The following VPS13B variants were observed in gnomAD, a reference collection of about 807,000 sequenced individuals.
VPS13B encodes the protein vacuolar protein sorting 13 homolog B, also known as intermembrane lipid transfer protein VPS13B.
In VPS13B, 285 loss-of-function variants were observed where a neutral mutation model predicts 426.4. The ratio of observed to expected loss-of-function variants is 0.67; its 90% CI spans 0.61 to 0.74. The LOEUF (loss-of-function observed/expected upper bound fraction) is 0.74. Among genes scored for constraint, VPS13B ranks in the 30% least tolerant of loss-of-function variants. The pLI is 0.00. For synonymous variants in VPS13B, 1,676 were observed against 1,676.4 expected (o/e 1.00, Z 0.01); for missense variants, 4,537 against 4,782.6 (o/e 0.95, Z 1.51).
intron 43 of VPS13B, among the ~76,000 whole-genome samples, chr8:99,794,704 T>A (rs985800950): frequency 4.6e-5 from 7 of 152,200 alleles, no homozygotes; most frequent in African/African-American, 1.7e-4. Context: ...TCAGTCTAAG[T>A]TGGCAGTGTT....
At chr8:99,420,010 T>C (rs1816283314) in intron 21 of VPS13B, among the ~76,000 whole-genome samples, 2 of 152,216 alleles carry the variant, frequency 1.3e-5, no homozygotes. Context: ...GGGAAAATTT[T>C]AAAGTAAGTA....
At position 99,642,138 on chromosome 8, in the gene VPS13B, T is replaced by TCG; in HGVS notation, c.5548_5549insCG (p.Leu1850SerfsTer2). The stretch of plus-strand genomic sequence containing the variant: ...TAATGAAAAAACAGACAAGAGTTCA[T>TCG]TAAATCTCCCAGAAGTTGATTCAGA... On this transcript the variant is annotated frameshift_variant, in exon 34 of 62. Transcript: ENST00000357162. LOFTEE classifies it high-confidence loss of function. 2 of 1,614,184 alleles carry TCG rather than the reference T, an allele frequency of 1.2e-6. No homozygotes were observed. The highest frequency in any genetic ancestry group is 8.5e-7 in the Non-Finnish European group (1 of 1,180,028).
intron 35 of VPS13B, among the ~76,000 whole-genome samples, chr8:99,689,811 A>G (rs545442465): frequency 6.6e-6 from 1 of 152,300 alleles, no homozygotes; most frequent in Non-Finnish European, 1.5e-5. Context: ...AGTCAGGGAA[A>G]ATGGATCCCT....
intron 52 of VPS13B, among the ~76,000 whole-genome samples, chr8:99,833,237 C>T (rs1425348581): frequency 6.6e-6 from 1 of 152,178 alleles, no homozygotes; most frequent in Non-Finnish European, 1.5e-5. Flanking sequence ...ACCACAGACT[C>T]AAACCAGAGA....
chr8:99,365,517 T>C (rs1812819255), intron 19 of VPS13B, among the ~76,000 whole-genome samples: 2 of 10,050 alleles, frequency 2.0e-4, no homozygotes, highest in Admixed American at 8.6e-4. Context: ...CTTCTTCTTC[T>C]TTTTTTTTTT....
intron 35 of VPS13B, among the ~76,000 whole-genome samples, chr8:99,667,726 A>G: frequency 6.6e-6 from 1 of 152,204 alleles, no homozygotes; most frequent in East Asian, 1.9e-4. Context: ...TACTACATTA[A>G]TTTAGGAATC....
chr8:99,697,976 G>C, intron 35 of VPS13B: 1 of 411,580 alleles, frequency 2.4e-6, no homozygotes, highest in Non-Finnish European at 4.7e-6. Context: ...AGAGAAGATG[G>C]AGGAGAAGAC....
chr8:99,178,336 A>G lies in VPS13B; in HGVS notation c.2333+8173A>G, dbSNP rs536919088. ...CCTTGAAATGTAAGAACAAATAATC[A>G]TTGGCGGTTCCCATATTCAAAAGAT... is the stretch of plus-strand genomic sequence containing the variant. On this transcript the variant is annotated intron_variant, in intron 16 of 61. Coordinates refer to ENST00000357162, the MANE Select transcript of VPS13B (RefSeq NM_152564.5). Among the ~76,000 whole-genome samples, 3 of 137,746 alleles carry G rather than the reference A, an allele frequency of 2.2e-5. No individual in the cohort carries two copies. The Admixed American group carries it at 2.4e-4, about 11-fold the overall frequency. The allele number at this position is 137,746 out of a possible 152,430, so 90.4% of individuals were successfully genotyped here. A position where few individuals can be genotyped will look rare whatever the true frequency, so the allele number is the denominator to read the frequency against.
chr8:99,862,167 G>T (rs1469212254), intron 58 of VPS13B, among the ~76,000 whole-genome samples: 1 of 152,206 alleles, frequency 6.6e-6, no homozygotes, highest in East Asian at 1.9e-4. Context: ...ATGTATCTTG[G>T]GCCTCACTGA....
At chr8:99,234,473 C>T (rs528563708) in intron 17 of VPS13B, 20 of 546,806 alleles carry the variant, frequency 3.7e-5, no homozygotes, top group African/African-American at 2.9e-4. Flanking sequence ...GCCTCGCCGC[C>T]GCCCCGCCCC....
intron 39 of VPS13B, among the ~76,000 whole-genome samples, chr8:99,749,531 T>C (rs911172493): frequency 2.0e-5 from 3 of 152,108 alleles, no homozygotes; most frequent in African/African-American, 7.2e-5. Context: ...TTTAACGTAA[T>C]GTCCTCCGGT....
At chr8:99,731,758 A>G (rs1469387410) in intron 39 of VPS13B, among the ~76,000 whole-genome samples, 3 of 152,326 alleles carry the variant, frequency 2.0e-5, no homozygotes, top group East Asian at 3.9e-4. Flanking sequence ...AGGAAGTAAG[A>G]GAAGTCAAGG....
Position 99,246,197 on chromosome 8 carries a change from C to T in VPS13B, c.2516-28001C>T, listed in dbSNP as rs551023184. Among the ~76,000 whole-genome samples the T allele has an allele frequency of 2.0e-5, 3 of 152,290 alleles. No homozygotes were observed. In the East Asian group the frequency reaches 5.8e-4, roughly 29 times the overall value. On this transcript the variant is annotated intron_variant, in intron 17 of 61. Transcript: ENST00000357162. ...ATTTCTCATATCAAAATCGCTTTGC[C>T]TCTAGAGCAGTAGTTAGAGCTTCCA...
rs559719776 is a variant in VPS13B, at chr8:99,585,090, A to G, written c.5220+7457A>G. Among the ~76,000 whole-genome samples the G allele has an allele frequency of 1.4e-3, 207 of 152,344 alleles. 1 individual carries two copies. Among genetic ancestry groups the G allele is most frequent in the African/African-American group, 4.9e-3 (202 of 41,590 alleles). On this transcript the variant is annotated intron_variant, in intron 33 of 61. Coordinates refer to ENST00000357162, the MANE Select transcript of VPS13B (RefSeq NM_152564.5). The stretch of plus-strand genomic sequence containing the variant: ...GGAGTATACATTAAATTTGCCATCA[A>G]TAAAAAATAGTTTCAACATGGAGAA...
chr8:99,631,887 A>T (rs1828863110), intron 33 of VPS13B, among the ~76,000 whole-genome samples: 1 of 151,970 alleles, frequency 6.6e-6, no homozygotes, highest in African/African-American at 2.4e-5. Flanking sequence ...ATTAAATTTT[A>T]TTTCACATTT....
At chr8:99,442,287 G>C (rs1817713574) in intron 22 of VPS13B, 114 bp from the exon 23 acceptor site, 1 of 850,862 alleles carries the variant, frequency 1.2e-6, no homozygotes, top group South Asian at 1.6e-5. Context: ...AAGTCATAAA[G>C]ACATAAATAT....
At chr8:99,734,746 A>G (rs1431900025) in intron 39 of VPS13B, among the ~76,000 whole-genome samples, 2 of 152,336 alleles carry the variant, frequency 1.3e-5, no homozygotes, top group East Asian at 3.9e-4. Context: ...CATTATAATT[A>G]CTCACAAGTA....
chr8:99,153,379 A>G (rs987584175), intron 14 of VPS13B, among the ~76,000 whole-genome samples: 18 of 150,962 alleles, frequency 1.2e-4, no homozygotes, highest in Admixed American at 3.3e-4. Context: ...TTTGTTCCTG[A>G]TTTTTTTTCC....
Position 99,875,868 on chromosome 8 carries a change from T to TA in VPS13B, c.*207dup. On this transcript the variant is annotated 3_prime_UTR_variant, in exon 62 of 62. Coordinates refer to ENST00000357162, the MANE Select transcript of VPS13B (RefSeq NM_152564.5). ...GCCACCATAAAGGGCTGCATTTTTT[T>TA]AAAAAGCCTAGGCAGCTCTAACATC... 1.6e-6 allele frequency: 1 copy of TA among 637,252 alleles called. No individual in the cohort carries two copies. Among genetic ancestry groups the TA allele is most frequent in the Non-Finnish European group, 2.7e-6 (1 of 372,812 alleles). The allele number at this position is 637,252 out of a possible 1,614,324, so 39.5% of individuals were successfully genotyped here.
Sources: gnomAD v4.1 joint callset for allele counts (sites outside exome capture counted in the v4.1 genomes callset) on GRCh38, gnomAD v4.1.1 for gene constraint, MANE v1.5 for transcripts, NCBI Gene and HGNC (gene_info 2026-07-23, HGNC 2026-07-21) for gene names.